Variants in CCDC171 observed in about 807,000 individuals in gnomAD.
CCDC171 encodes coiled-coil domain containing 171, also known as coiled-coil domain-containing protein 171.
Under a neutral mutation model 168.2 loss-of-function variants are expected in CCDC171, and 177 were observed. That is an observed-to-expected ratio of 1.05 (90% CI 0.93 to 1.19). The LOEUF (loss-of-function observed/expected upper bound fraction) is 1.19. Ranked by LOEUF, CCDC171 falls within the 50% of genes most tolerant of loss-of-function variation. CCDC171 has a pLI of 0.00. For synonymous variants in CCDC171, 687 were observed against 540.8 expected (o/e 1.27, Z -3.75); for missense variants, 1,991 against 1,539.0 (o/e 1.29, Z -4.91).
chr9:15,670,336 G>A (rs573180544), intron 9 of CCDC171, among the ~76,000 whole-genome samples: 22 of 152,218 alleles, frequency 1.4e-4, no homozygotes, highest in African/African-American at 4.8e-4. Flanking sequence ...AGTAACAGCA[G>A]TTTTTAACTA....
rs150460325 is a variant in CCDC171 at position 15,612,158 on chromosome 9, C to G, written c.676-11109C>G. ...TACATTTCTGTTTTTTATAAACTGC[C>G]TAGTTTATGGTATATCTTGTTATGG... On this transcript the variant is annotated intron_variant, in intron 6 of 25. Transcript: ENST00000380701. Among the ~76,000 whole-genome samples the G allele has an allele frequency of 5.3e-5, 8 of 152,240 alleles. No homozygotes were observed. In the South Asian group the frequency reaches 1.7e-3, roughly 32 times the overall value.
chr9:15,632,426 T>C (rs1258333001), intron 7 of CCDC171, among the ~76,000 whole-genome samples: 2 of 151,918 alleles, frequency 1.3e-5, no homozygotes, highest in African/African-American at 4.8e-5. Flanking sequence ...TCACAATTGC[T>C]TCAAAGAGAA....
At chr9:15,590,091 A>AG (rs2041871906) in intron 4 of CCDC171, among the ~76,000 whole-genome samples, 1 of 152,200 alleles carries the variant, frequency 6.6e-6, no homozygotes, top group Non-Finnish European at 1.5e-5. Context: ...TCACGAGAAA[A>AG]GAAAAATAGG....
chr9:15,610,902 C>G (rs2043635005), intron 6 of CCDC171, among the ~76,000 whole-genome samples: 1 of 152,012 alleles, frequency 6.6e-6, no homozygotes, highest in Non-Finnish European at 1.5e-5. Context: ...TTTGTAGTAG[C>G]CTCTGAGTTT....
In CCDC171 at chr9:15,836,317, G is replaced by T. The variant is rs555426410; in HGVS notation, c.3268-10385G>T. Among the ~76,000 whole-genome samples, 20 of 152,176 alleles carry T rather than the reference G, an allele frequency of 1.3e-4. No homozygotes were observed. The South Asian group carries it at 2.3e-3, about 17-fold the overall frequency. On this transcript the variant is annotated intron_variant, in intron 21 of 25. Transcript: ENST00000380701. ...ATACCCCATGATTGAGGCTGATAGA[G>T]TGTTCTTTATCTGGAACGCTGTTGG...
chr9:15,685,066 A>G (rs2133548865), intron 10 of CCDC171, among the ~76,000 whole-genome samples: 1 of 152,346 alleles, frequency 6.6e-6, no homozygotes, highest in East Asian at 1.9e-4. Flanking sequence ...GAGTCCCTTT[A>G]TCTTACAATT....
intron 18 of CCDC171, among the ~76,000 whole-genome samples, chr9:15,763,785 T>C (rs934838846): frequency 1.3e-5 from 2 of 152,240 alleles, no homozygotes; most frequent in Non-Finnish European, 2.9e-5. Flanking sequence ...CATTCTATGA[T>C]TATACCAAAG....
At chr9:15,691,943 G>A (rs575695581) in intron 10 of CCDC171, among the ~76,000 whole-genome samples, 50 of 152,178 alleles carry the variant, frequency 3.3e-4, no homozygotes, top group African/African-American at 1.1e-3. Flanking sequence ...CAAAGTGCTG[G>A]GATTACAAGA....
chr9:16,080,889 C>G, the CCDC171 span, among the ~76,000 whole-genome samples: 1 of 152,146 alleles, frequency 6.6e-6, no homozygotes, highest in African/African-American at 2.4e-5. Context: ...GTTACTGCTT[C>G]TGTTTTTGCT....
At chr9:15,593,511 C>G (rs2042139343) in intron 5 of CCDC171, among the ~76,000 whole-genome samples, 1 of 152,018 alleles carries the variant, frequency 6.6e-6, no homozygotes, top group South Asian at 2.1e-4. Flanking sequence ...GTTTCCTTAT[C>G]CTAATTTGTT....
At position 15,808,226 on chromosome 9, in the gene CCDC171, A is replaced by C. The variant is rs1365550079; in HGVS notation, c.3267+23532A>C. ...ATTTGAAATAGTCACTTTAGAGAGAAGGAGAGCAAGTCAACAGTAGAAATA... is the reference window on the plus strand; with the variant it reads ...ATTTGAAATAGTCACTTTAGAGAGACGGAGAGCAAGTCAACAGTAGAAATA... On this transcript the variant is annotated intron_variant, in intron 21 of 25. Transcript: ENST00000380701. Among the ~76,000 whole-genome samples the C allele has an allele frequency of 2.0e-5, 3 of 152,154 alleles. No individual in the cohort carries two copies. The East Asian group carries it at 5.8e-4, about 29-fold the overall frequency.
chr9:15,816,561 G>C lies in CCDC171; in HGVS notation c.3268-30141G>C, dbSNP rs1258254733. Among the ~76,000 whole-genome samples the C allele has an allele frequency of 2.6e-5, 3 of 115,216 alleles. 1 individual carries two copies. The highest frequency in any genetic ancestry group is 1.1e-4 in the African/African-American group (3 of 28,386). 75.6% of individuals were successfully genotyped at this position (115,216 alleles called of 152,430 possible). ...ATACGTATGCAAAACTGGAAACAGAGGCAAGTTAGGAGGCTAACAGTATAA... is the reference window on the plus strand; with the variant it reads ...ATACGTATGCAAAACTGGAAACAGACGCAAGTTAGGAGGCTAACAGTATAA... On this transcript the variant is annotated intron_variant, in intron 21 of 25. Coordinates refer to ENST00000380701, the MANE Select transcript of CCDC171 (RefSeq NM_173550.4).
chr9:15,820,030 A>C lies in CCDC171; in HGVS notation c.3268-26672A>C, dbSNP rs1366479492. 5.9e-5 allele frequency among the ~76,000 whole-genome samples: 7 copies of C among 118,184 alleles called. 2 individuals carry two copies. The highest frequency in any genetic ancestry group is 1.3e-4 in the Non-Finnish European group (7 of 52,618). The allele number at this position is 118,184 out of a possible 152,430, so 77.5% of individuals were successfully genotyped here. A position where few individuals can be genotyped will look rare whatever the true frequency, so the allele number is the denominator to read the frequency against. On this transcript the variant is annotated intron_variant, in intron 21 of 25. Coordinates refer to ENST00000380701, the MANE Select transcript of CCDC171 (RefSeq NM_173550.4). ...GCAATCAAACTAGAACACAGGATTA[A>C]GAAACTCACTCAAAACTGCTCAACT...
chr9:15,766,438 A>G (rs1489071644), intron 18 of CCDC171, among the ~76,000 whole-genome samples: 1 of 151,272 alleles, frequency 6.6e-6, no homozygotes, highest in Non-Finnish European at 1.5e-5. Context: ...ATGTATATAT[A>G]TTTTTATTTT....
At chr9:15,987,928 A>T (rs1832047572) in intron 3 of CCDC171, among the ~76,000 whole-genome samples, 2 of 152,224 alleles carry the variant, frequency 1.3e-5, no homozygotes, top group Admixed American at 1.3e-4. Context: ...GTTTGTGTAC[A>T]CTGAACCATT....
upstream of CCDC171, among the ~76,000 whole-genome samples, chr9:16,041,549 T>C (rs1833572099): frequency 6.6e-6 from 1 of 152,228 alleles, no homozygotes; most frequent in African/African-American, 2.4e-5. Flanking sequence ...ACCAGGTGTC[T>C]GAGGTTCAGG....
At chr9:15,705,203 A>G (rs2052121822) in intron 11 of CCDC171, among the ~76,000 whole-genome samples, 1 of 152,014 alleles carries the variant, frequency 6.6e-6, no homozygotes, top group Non-Finnish European at 1.5e-5. Context: ...GTGTATATGG[A>G]TATCAAGTAA....
intron 1 of CCDC171, among the ~76,000 whole-genome samples, chr9:15,553,837 AT>A (rs1308192511): frequency 2.0e-5 from 3 of 151,074 alleles, no homozygotes; most frequent in Non-Finnish European, 4.5e-5. Context: ...GACTTTTTGA[AT>A]TTTTTTATTC....
At chr9:16,101,152 T>C in the CCDC171 span, among the ~76,000 whole-genome samples, 1 of 152,202 alleles carries the variant, frequency 6.6e-6, no homozygotes, top group Non-Finnish European at 1.5e-5. Flanking sequence ...TGCTTCTTGC[T>C]ACACAAAGGA....
Sources: allele counts gnomAD v4.1 joint callset (sites outside exome capture counted in the v4.1 genomes callset), GRCh38; gene constraint gnomAD v4.1.1; transcripts MANE v1.5; gene names NCBI Gene and HGNC (gene_info 2026-07-23, HGNC 2026-07-21).